Variants in NAV1 observed in about 807,000 individuals in gnomAD.
NAV1 encodes the protein pore membrane and/or filament interacting like protein 3.
A neutral mutation model predicts 175.2 loss-of-function variants in NAV1; 18 were observed. The ratio of observed to expected loss-of-function variants is 0.10; its 90% confidence interval spans 0.07 to 0.15. The LOEUF (loss-of-function observed/expected upper bound fraction) is 0.15. Among genes scored for constraint, NAV1 ranks in the 10% least tolerant of loss-of-function variants. NAV1 has a pLI of 1.00. For missense variants in NAV1, 1,731 were observed against 2,436.6 expected, an observed-to-expected ratio of 0.71 and a Z score of 6.10; for synonymous variants, 897 against 978.7, an observed-to-expected ratio of 0.92 and a Z score of 1.56.
chr1:201,618,141 C>T (rs1182279916), upstream of NAV1, among the ~76,000 whole-genome samples: 2 of 152,176 alleles, frequency 1.3e-5, no homozygotes, highest in African/African-American at 4.8e-5. Context: ...CCCCTTTCTT[C>T]CCCAGCCACC....
chr1:201,702,387 ATGGAG>A (rs1671463144), intron 1 of NAV1, among the ~76,000 whole-genome samples: 1 of 152,150 alleles, frequency 6.6e-6, no homozygotes, highest in African/African-American at 2.4e-5. Context: ...TATTTTTGAG[ATGGAG>A]TTTCACTCTT....
chr1:201,743,445 C>T (rs1370334488), intron 3 of NAV1, among the ~76,000 whole-genome samples: 1 of 152,202 alleles, frequency 6.6e-6, no homozygotes, highest in Non-Finnish European at 1.5e-5. Flanking sequence ...GCTTTGTGAC[C>T]TTACAGAGAT....
intron 2 of NAV1, among the ~76,000 whole-genome samples, chr1:201,592,818 C>A (rs1284865378): frequency 1.3e-5 from 2 of 152,058 alleles, no homozygotes; most frequent in Non-Finnish European, 2.9e-5. Flanking sequence ...GGAGGGGACC[C>A]AGTCTTTACC....
chr1:201,666,583 T>A (rs1049714888), intron 1 of NAV1, among the ~76,000 whole-genome samples: 8 of 152,142 alleles, frequency 5.3e-5, no homozygotes, highest in Non-Finnish European at 1.2e-4. Context: ...CCAGGAGTGA[T>A]GGGCGGAGGA....
chr1:201,633,290 C>T (rs1668529016), intron 2 of NAV1, among the ~76,000 whole-genome samples: 1 of 152,172 alleles, frequency 6.6e-6, no homozygotes, highest in African/African-American at 2.4e-5. Flanking sequence ...GGCATAGTGC[C>T]AAGTGCTTTA....
intron 2 of NAV1, among the ~76,000 whole-genome samples, chr1:201,590,508 C>T (rs921038280): frequency 1.3e-5 from 2 of 151,110 alleles, no homozygotes; most frequent in South Asian, 2.2e-4. Flanking sequence ...TGATTTAGAA[C>T]ATTTCCTCTC....
Position 201,788,260 on chromosome 1 carries a change from T to A in NAV1, c.2996-208T>A, listed in dbSNP as rs547458502. Among the ~76,000 whole-genome samples the A allele has an allele frequency of 3.3e-5, 5 of 152,254 alleles. No homozygotes were observed. The highest frequency in any genetic ancestry group is 4.2e-4 in the South Asian group (2 of 4,816). ...CAGCAGGGTCCTTCTCCATTAGGGC[T>A]TGATCTCCCCAGGAGGGACCCCGCT... On this transcript the variant is annotated intron_variant, in intron 9 of 29. Transcript: ENST00000367296. This position sits in a 1 kb window ranked among gnomAD's most constrained non-coding sequence, Gnocchi z 5.7.
At chr1:201,550,692 T>C (rs1431348437) in intron 1 of NAV1, among the ~76,000 whole-genome samples, 2 of 152,244 alleles carry the variant, frequency 1.3e-5, no homozygotes, top group Non-Finnish European at 2.9e-5. Flanking sequence ...TTTGATTAAA[T>C]CTTGATTAAC....
At chr1:201,594,046 G>A (rs1436196246) in intron 2 of NAV1, among the ~76,000 whole-genome samples, 1 of 151,602 alleles carries the variant, frequency 6.6e-6, no homozygotes, top group Non-Finnish European at 1.5e-5. Context: ...GAGCCAAGAA[G>A]TCTGGCAGCA....
chr1:201,572,174 G>C (rs570915154), intron 1 of NAV1, among the ~76,000 whole-genome samples: 1 of 152,176 alleles, frequency 6.6e-6, no homozygotes, highest in East Asian at 1.9e-4. Context: ...ACTGGGCAGC[G>C]GGGTTTTTGG....
chr1:201,740,191 G>T lies in NAV1; in HGVS notation c.1226+21436G>T, dbSNP rs1002011179. ...TTCCGCCGCAGCTGCAGTCTCAGGG[G>T]CAGTGGGTGTGGGGTCCGCAAGAAG... On this transcript the variant is annotated intron_variant, in intron 3 of 29. Coordinates refer to ENST00000367296, the Ensembl canonical transcript of NAV1. This position sits in a 1 kb window ranked among gnomAD's most constrained non-coding sequence, Gnocchi z 4.7. 11 of 868,824 alleles carry T rather than the reference G, an allele frequency of 1.3e-5. No homozygotes were observed. The highest frequency in any genetic ancestry group is 4.2e-5 in the South Asian group (2 of 48,016). The allele number at this position is 868,824 out of a possible 1,614,324, so 53.8% of individuals were successfully genotyped here. A position where few individuals can be genotyped will look rare whatever the true frequency, so the allele number is the denominator to read the frequency against.
At chr1:201,633,987 A>G (rs1270972156) in intron 2 of NAV1, among the ~76,000 whole-genome samples, 3 of 152,190 alleles carry the variant, frequency 2.0e-5, no homozygotes, top group African/African-American at 4.8e-5. Context: ...AGCAGCCGAC[A>G]CTTACCGTGG....
intron 2 of NAV1, among the ~76,000 whole-genome samples, chr1:201,606,524 G>A (rs1423031675): frequency 6.6e-6 from 1 of 152,210 alleles, no homozygotes; most frequent in Non-Finnish European, 1.5e-5. Flanking sequence ...AGGCAGAAGA[G>A]CATCTTTGCG....
In NAV1 at chr1:201,812,774, C is replaced by G; in HGVS notation, c.5221+113C>G. ...GAGTCTTCGGCATGTAAAGGAGCTG[C>G]AAGCCTTGTGGCTTCAGACTTAGAA... is the stretch of plus-strand genomic sequence containing the variant. On this transcript the variant is annotated intron_variant, in intron 27 of 29. Transcript: ENST00000367296. This position sits in a 1 kb window ranked among gnomAD's most constrained non-coding sequence, Gnocchi z 4.6. The G allele has an allele frequency of 1.0e-6, 1 of 983,772 alleles. No homozygotes were observed. Among genetic ancestry groups the G allele is most frequent in the Non-Finnish European group, 1.5e-6 (1 of 652,222 alleles). 60.9% of individuals were successfully genotyped at this position (983,772 alleles called of 1,614,324 possible).
At chr1:201,792,898 A>C (rs574436527) in intron 13 of NAV1, 1 of 152,404 alleles carries the variant, frequency 6.6e-6, no homozygotes, top group Admixed American at 6.5e-5. Context: ...AGTAGGAGCC[A>C]TGAGAGTGCC....
intron 3 of NAV1, among the ~76,000 whole-genome samples, chr1:201,748,593 A>G (rs239987): frequency 0.87 from 133,048 of 152,208 alleles, 58,456 homozygotes; most frequent in Middle Eastern, 0.92. Context: ...TTACTCATGC[A>G]CAACCTGATT....
rs1475284398 is a variant in NAV1 at position 201,810,050 on chromosome 1, C to T, written c.4506C>T (p.Pro1502=). ...TGAAACGAGTGTTGGATGCAGAGCC[C>T]CCCGAGATGCCTCCTTGCCGTCGAG... Residue 1502 remains proline (P), a synonymous_variant, in exon 23 of 30, where the codon CCC becomes CCT. Transcript: ENST00000367296. The surrounding 1 kb of genome is among the most constrained non-coding windows in gnomAD (Gnocchi z 6.0). 6.2e-7 allele frequency: 1 copy of T among 1,614,030 alleles called. No homozygotes were observed. Among genetic ancestry groups the T allele is most frequent in the Admixed American group, 1.7e-5 (1 of 59,996 alleles).
chr1:201,650,386 T>A (rs10920227), intron 1 of NAV1, among the ~76,000 whole-genome samples: 31,977 of 152,186 alleles, frequency 0.21, 4,117 homozygotes, highest in Admixed American at 0.37. Context: ...ACGGGCCCTC[T>A]TGGGGCCACG....
intron 1 of NAV1, among the ~76,000 whole-genome samples, chr1:201,579,570 G>A (rs1043956888): frequency 1.3e-5 from 2 of 152,104 alleles, no homozygotes; most frequent in African/African-American, 2.4e-5. Context: ...TGGCCAGGCT[G>A]GTCTTGAGCT....
Sources: gnomAD v4.1 joint callset for allele counts (sites outside exome capture counted in the v4.1 genomes callset) on GRCh38, gnomAD v4.1.1 for gene constraint, Gnocchi (gnomAD v3.1) non-coding constraint, MANE v1.5 for transcripts, NCBI Gene and HGNC (gene_info 2026-07-23, HGNC 2026-07-21) for gene names.